Variants in C11orf68 observed in about 807,000 individuals in gnomAD.
C11orf68 encodes UPF0696 protein C11orf68.
A neutral mutation model predicts 4.7 loss-of-function variants in C11orf68; 3 were observed. The ratio of observed to expected loss-of-function variants is 0.64; its 90% CI spans 0.29 to 1.66. The LOEUF (loss-of-function observed/expected upper bound fraction) is 1.66. C11orf68 is among the 40% of genes most tolerant of loss of function. C11orf68 has a pLI of 0.10. For synonymous variants in C11orf68, 186 were observed against 167.8 expected (o/e 1.11, Z -0.84); for missense variants, 422 against 408.0 (o/e 1.03, Z -0.30).
rs756291525 is a variant in C11orf68 at position 65,917,492 on chromosome 11, C to A, written c.849G>T (p.Val283=). The A allele has an allele frequency of 1.4e-5, 23 of 1,613,156 alleles. No homozygotes were observed. Among genetic ancestry groups the A allele is most frequent in the Middle Eastern group, 1.7e-4 (1 of 6,038 alleles). ...GTTCCACGTTGTTGGCACGGTCAAG[C>A]ACTCGGGAGCCACGGGCACTACCCC... The part of the protein sequence containing the change: ...QLGGSARGSR[V]LDRANNVELT The change falls in exon 2 of 2, where the codon GTG becomes GTT. Residue 283 remains valine, a synonymous_variant. Transcript: ENST00000438576.
Position 65,918,231 on chromosome 11 carries a change from C to T in C11orf68, c.123-13G>A. On this transcript the variant is annotated splice_polypyrimidine_tract_variant and intron_variant, in intron 1 of 1. Transcript: ENST00000438576. ...TGGTTCCATCCTGCTGTGAGGGAACCGAGTCAGGGCAGGGTCTGAGACAAT... is the reference window on the plus strand; with the variant it reads ...TGGTTCCATCCTGCTGTGAGGGAACTGAGTCAGGGCAGGGTCTGAGACAAT... The T allele has an allele frequency of 6.6e-7, 1 of 1,506,358 alleles. No homozygotes were observed. The highest frequency in any genetic ancestry group is 8.8e-7 in the Non-Finnish European group (1 of 1,131,334). 93.3% of individuals were successfully genotyped at this position (1,506,358 alleles called of 1,614,324 possible).
At position 65,918,914 on chromosome 11, in the gene C11orf68, G is replaced by A; in HGVS notation, c.118C>T (p.Arg40Trp). The change falls in exon 1 of 2, where the codon CGG becomes TGG. Residue 40 changes from arginine to tryptophan, a missense_variant. Coordinates refer to ENST00000438576, the MANE Select transcript of C11orf68 (RefSeq NM_001135635.2). ...CCTCCCGCCGCCCGCAGTCACCTCC[G>A]GCCTTCGCTGCGTTCGACGCCGGCC... ...GWAGVERSEG[R>W]SRMEPGEELE... 2.4e-6 allele frequency: 3 copies of A among 1,259,690 alleles called. No individual in the cohort carries two copies. Among genetic ancestry groups the A allele is most frequent in the Non-Finnish European group, 3.0e-6 (3 of 989,412 alleles). 78.0% of individuals were successfully genotyped at this position (1,259,690 alleles called of 1,614,324 possible). A position where few individuals can be genotyped will look rare whatever the true frequency, so the allele number is the denominator to read the frequency against.
At chr11:65,918,835 C>T (rs1854500077) in intron 1 of C11orf68, 75 bp downstream of exon 1, 3 of 1,090,080 alleles carry the variant, frequency 2.8e-6, no homozygotes, top group South Asian at 2.8e-5. Context: ...CCGCGCCCGC[C>T]GCCATTAACG....
In C11orf68 at chr11:65,917,555, G is replaced by T. The variant is rs1200157032; in HGVS notation, c.786C>A (p.His262Gln). The change falls in exon 2 of 2, where the codon CAC (histidine) becomes CAA (glutamine). Residue 262 changes from histidine to glutamine, a missense_variant. Coordinates refer to ENST00000438576, the MANE Select transcript of C11orf68 (RefSeq NM_001135635.2). ...GGCTCTCATAGAGAGTGGGGCAGAG[G>T]TGCCAGCGATTGGCCCGGTAGATGC... ...YLGIYRANRWHLCPTLYESRF... is the reference protein window; with the variant it reads ...YLGIYRANRWQLCPTLYESRF... The T allele has an allele frequency of 5.0e-6, 8 of 1,614,002 alleles. No homozygotes were observed. The highest frequency in any genetic ancestry group is 6.8e-6 in the Non-Finnish European group (8 of 1,180,038).
Position 65,917,510 on chromosome 11 carries a change from ACT to A in C11orf68, c.829_830del (p.Ser277CysfsTer8). The A allele has an allele frequency of 1.2e-6, 2 of 1,613,930 alleles. No homozygotes were observed. The highest frequency in any genetic ancestry group is 1.7e-6 in the Non-Finnish European group (2 of 1,179,968). On this transcript the variant is annotated frameshift_variant, in exon 2 of 2. Transcript: ENST00000438576. LOFTEE classifies it high-confidence loss of function. ...LYESRFQLGG[S>X]ARGSRVLDRA... ...GGTCAAGCACTCGGGAGCCACGGGC[ACT>A]ACCCCCAAGCTGGAAACGGCTCTCA...
chr11:65,918,496 C>G, intron 1 of C11orf68: 1 of 389,422 alleles, frequency 2.6e-6, no homozygotes, highest in Non-Finnish European at 4.5e-6. Context: ...AAGGTCACAC[C>G]TGCAGTGCGT....
Position 65,918,964 on chromosome 11 carries a change from T to C in C11orf68, c.68A>G (p.Gln23Arg), listed in dbSNP as rs1854503423. ...CCAGCCCCGGGCCCGGCTCCGCTCC[T>C]GCCGTGGCTCCGCGCCACCGCCACC... ...GRGGGGAEPR[Q>R]ERSRARGWAG... Residue 23 changes from glutamine (Q) to arginine (R), a missense_variant, in exon 1 of 2, where the codon CAG becomes CGG. Physicochemically the swap from Gln to Arg is conservative, Grantham distance 43. Coordinates refer to ENST00000438576, the MANE Select transcript of C11orf68 (RefSeq NM_001135635.2). The C allele has an allele frequency of 6.7e-6, 8 of 1,198,576 alleles. No homozygotes were observed. Among genetic ancestry groups the C allele is most frequent in the Non-Finnish European group, 7.3e-6 (7 of 965,258 alleles). The allele number at this position is 1,198,576 out of a possible 1,614,324, so 74.2% of individuals were successfully genotyped here. A position where few individuals can be genotyped will look rare whatever the true frequency, so the allele number is the denominator to read the frequency against.
chr11:65,917,817 A>C lies in C11orf68; in HGVS notation c.524T>G (p.Leu175Arg). The C allele has an allele frequency of 6.2e-7, 1 of 1,612,136 alleles. No individual in the cohort carries two copies. Among genetic ancestry groups the C allele is most frequent in the Non-Finnish European group, 8.5e-7 (1 of 1,179,930 alleles). ...HVLSGKWLMH[L>R]APGFKLDHAW... ...GTGGTCCAGCTTGAAGCCCGGTGCCAGATGCATAAGCCACTTGCCCGAGAG... is the reference window on the plus strand; with the variant it reads ...GTGGTCCAGCTTGAAGCCCGGTGCCCGATGCATAAGCCACTTGCCCGAGAG... Residue 175 changes from leucine to arginine, a missense_variant, in exon 2 of 2, where the codon CTG (leucine) becomes CGG (arginine). Transcript: ENST00000438576.
At position 65,917,840 on chromosome 11, in the gene C11orf68, G is replaced by C; in HGVS notation, c.501C>G (p.Leu167=). The change falls in exon 2 of 2, where the codon CTC becomes CTG. Residue 167 remains leucine, a synonymous_variant. Coordinates refer to ENST00000438576, the MANE Select transcript of C11orf68 (RefSeq NM_001135635.2). The part of the protein sequence containing the change: ...LRQLAITHHV[L]SGKWLMHLAP... ...CCAGATGCATAAGCCACTTGCCCGA[G>C]AGCACGTGGTGGGTGATGGCGAGCT... 1 of 1,611,990 alleles carries C rather than the reference G, an allele frequency of 6.2e-7. No individual in the cohort carries two copies. The highest frequency in any genetic ancestry group is 8.5e-7 in the Non-Finnish European group (1 of 1,179,964).
Position 65,917,280 on chromosome 11 carries a change from CTTGT to C in C11orf68, c.*175_*178del. The C allele has an allele frequency of 1.3e-6, 1 of 768,890 alleles. No individual in the cohort carries two copies. Among genetic ancestry groups the C allele is most frequent in the Middle Eastern group, 4.0e-4 (1 of 2,518 alleles). The allele number at this position is 768,890 out of a possible 1,614,324, so 47.6% of individuals were successfully genotyped here. A position where few individuals can be genotyped will look rare whatever the true frequency, so the allele number is the denominator to read the frequency against. The stretch of plus-strand genomic sequence containing the variant: ...AACCGGAGCCCCCCAGCCTGTGGGG[CTTGT>C]GTCAGCCCTGAACAGAGGGCAGAAG... On this transcript the variant is annotated 3_prime_UTR_variant, in exon 2 of 2. Coordinates refer to ENST00000438576, the MANE Select transcript of C11orf68 (RefSeq NM_001135635.2).
At position 65,917,484 on chromosome 11, in the gene C11orf68, C is replaced by A; in HGVS notation, c.857G>T (p.Arg286Leu). 1 of 1,612,362 alleles carries A rather than the reference C, an allele frequency of 6.2e-7. No individual in the cohort carries two copies. The highest frequency in any genetic ancestry group is 8.5e-7 in the Non-Finnish European group (1 of 1,179,114). ...CTAGGTCAGTTCCACGTTGTTGGCA[C>A]GGTCAAGCACTCGGGAGCCACGGGC... is the stretch of plus-strand genomic sequence containing the variant. The part of the protein sequence containing the change: ...GSARGSRVLD[R>L]ANNVELT Residue 286 changes from arginine to leucine, a missense_variant, in exon 2 of 2, where the codon CGT (arginine) becomes CTT (leucine). Physicochemically the swap from Arg to Leu is moderately radical, Grantham distance 102. Transcript: ENST00000438576.
chr11:65,918,800 G>T, intron 1 of C11orf68, 110 bp downstream of exon 1: 3 of 1,007,506 alleles, frequency 3.0e-6, no homozygotes, highest in Non-Finnish European at 3.6e-6. Flanking sequence ...GTTAGAGCCT[G>T]CAGGAGAGCC....
rs1255364413 is a variant in C11orf68, at chr11:65,919,039, C to T, written c.-8G>A. The stretch of plus-strand genomic sequence containing the variant: ...CGCCGCCGCCGCCGCCATCTTAGCG[C>T]CGCGCCACCTCAACAACAACTTTAT... On this transcript the variant is annotated 5_prime_UTR_variant, in exon 1 of 2. Coordinates refer to ENST00000438576, the MANE Select transcript of C11orf68 (RefSeq NM_001135635.2). The T allele has an allele frequency of 2.6e-6, 3 of 1,137,180 alleles. No individual in the cohort carries two copies. Among genetic ancestry groups the T allele is most frequent in the Non-Finnish European group, 2.1e-6 (2 of 932,864 alleles). 70.4% of individuals were successfully genotyped at this position (1,137,180 alleles called of 1,614,324 possible).
At position 65,917,384 on chromosome 11, in the gene C11orf68, A is replaced by G. The variant is rs9326360; in HGVS notation, c.*75T>C. 0.97 allele frequency: 1,481,906 copies of G among 1,525,496 alleles called. 723,287 individuals are homozygous for G. The highest frequency in any genetic ancestry group is 1 in the East Asian group (44,210 of 44,214). 94.5% of individuals were successfully genotyped at this position (1,525,496 alleles called of 1,614,324 possible). The stretch of plus-strand genomic sequence containing the variant: ...CAGAGCTGGGGGGTGTGGCCTTCAT[A>G]GGACAAGGAGGAAGACAGGAGGATC... On this transcript the variant is annotated 3_prime_UTR_variant, in exon 2 of 2. Coordinates refer to ENST00000438576, the MANE Select transcript of C11orf68 (RefSeq NM_001135635.2).
chr11:65,918,843 A>G, intron 1 of C11orf68, 67 bp downstream of exon 1: 1 of 1,101,984 alleles, frequency 9.1e-7, no homozygotes, highest in Non-Finnish European at 1.1e-6. Flanking sequence ...GCCGCCATTA[A>G]CGCCCACGGG....
In C11orf68 at chr11:65,919,008, GGCC is replaced by G. The variant is rs748792467; in HGVS notation, c.21_23del (p.Ala8del). 6.4e-4 allele frequency: 727 copies of G among 1,141,874 alleles called. No homozygotes were observed. The highest frequency in any genetic ancestry group is 3.0e-3 in the East Asian group (64 of 21,022). The allele number at this position is 1,141,874 out of a possible 1,614,324, so 70.7% of individuals were successfully genotyped here. A position where few individuals can be genotyped will look rare whatever the true frequency, so the allele number is the denominator to read the frequency against. The stretch of plus-strand genomic sequence containing the variant: ...CGCCACCGCGCCCCACCCCCGCCAC[GGCC>G]GCCGCCGCCGCCGCCGCCATCTTAG... On this transcript the variant is annotated inframe_deletion, in exon 1 of 2. Coordinates refer to ENST00000438576, the MANE Select transcript of C11orf68 (RefSeq NM_001135635.2).
At position 65,917,359 on chromosome 11, in the gene C11orf68, C is replaced by A; in HGVS notation, c.*100G>T. The A allele has an allele frequency of 6.9e-7, 1 of 1,443,422 alleles. No homozygotes were observed. The highest frequency in any genetic ancestry group is 2.2e-5 in the Admixed American group (1 of 45,780). 89.4% of individuals were successfully genotyped at this position (1,443,422 alleles called of 1,614,324 possible). A position where few individuals can be genotyped will look rare whatever the true frequency, so the allele number is the denominator to read the frequency against. On this transcript the variant is annotated 3_prime_UTR_variant, in exon 2 of 2. Transcript: ENST00000438576. ...AGTTCCCAAGTGACCTAGGAGTCCC[C>A]AGAGCTGGGGGGTGTGGCCTTCATA...
chr11:65,917,744 C>T lies in C11orf68; in HGVS notation c.597G>A (p.Val199=), dbSNP rs1477897586. The part of the protein sequence containing the change: ...ARAVVEGQLQ[V]AKVSPRAKEG... ...CCTTGGCACGTGGGCTCACCTTGGC[C>T]ACCTGAAGCTGGCCTTCAACCACGG... Residue 199 remains valine, a synonymous_variant, in exon 2 of 2, where the codon GTG becomes GTA. Transcript: ENST00000438576. The T allele has an allele frequency of 6.2e-7, 1 of 1,613,430 alleles. No individual in the cohort carries two copies. Among genetic ancestry groups the T allele is most frequent in the Non-Finnish European group, 8.5e-7 (1 of 1,180,002 alleles).
chr11:65,918,057 C>T lies in C11orf68; in HGVS notation c.284G>A (p.Trp95Ter), dbSNP rs759287565. ...TTGGGATGGTGGGTACTTGGCCAGCCAGGCATCCAGCTCAGTGGCAGGCGT... is the reference window on the plus strand; with the variant it reads ...TTGGGATGGTGGGTACTTGGCCAGCTAGGCATCCAGCTCAGTGGCAGGCGT... ...RTTPATELDA[W>*]LAKYPPSQVT... Residue 95 changes from tryptophan to a stop codon, truncating the protein, a stop_gained, in exon 2 of 2, where the codon TGG becomes TAG. Coordinates refer to ENST00000438576, the MANE Select transcript of C11orf68 (RefSeq NM_001135635.2). LOFTEE classifies it low-confidence loss of function (END_TRUNC). 6.2e-7 allele frequency: 1 copy of T among 1,609,906 alleles called. No homozygotes were observed. Among genetic ancestry groups the T allele is most frequent in the Non-Finnish European group, 8.5e-7 (1 of 1,177,988 alleles).
Sources: allele counts gnomAD v4.1 joint callset, GRCh38; gene constraint gnomAD v4.1.1; transcripts MANE v1.5; gene names NCBI Gene and HGNC (gene_info 2026-07-23, HGNC 2026-07-21).